GSE1: variants seen among roughly 807,000 people sequenced by gnomAD.
The protein encoded by GSE1 is genetic suppressor element 1.
In GSE1, 32 loss-of-function variants were observed where a neutral mutation model predicts 112.6. That is an observed-to-expected ratio of 0.28 (90% CI 0.21 to 0.38). The LOEUF (loss-of-function observed/expected upper bound fraction) is 0.38. Among genes scored for constraint, GSE1 ranks in the 10% least tolerant of loss-of-function variants. GSE1 has a pLI of 1.00. For synonymous variants in GSE1, 1,115 were observed against 735.6 expected, an observed-to-expected ratio of 1.52 and a Z score of -8.35; for missense variants, 2,348 against 1,699.2, an observed-to-expected ratio of 1.38 and a Z score of -6.71.
chr16:85,553,663 A>C (rs2045050073), upstream of GSE1, among the ~76,000 whole-genome samples: 1 of 151,938 alleles, frequency 6.6e-6, no homozygotes, highest in South Asian at 2.1e-4. Flanking sequence ...GGCGGCGGGG[A>C]AGAGCGCCAC....
At chr16:85,364,780 G>A (rs1051340759) in intron 2 of GSE1, among the ~76,000 whole-genome samples, 8 of 152,150 alleles carry the variant, frequency 5.3e-5, no homozygotes, top group Non-Finnish European at 1.2e-4. Context: ...GACGCACGGG[G>A]AGCAGGACAG....
chr16:85,625,073 C>T (rs972604708), intron 1 of GSE1, among the ~76,000 whole-genome samples: 4 of 152,192 alleles, frequency 2.6e-5, no homozygotes, highest in African/African-American at 7.2e-5. Flanking sequence ...GCTCTGGACA[C>T]CGACCCCAGC....
chr16:85,417,794 G>C (rs1275655372), intron 2 of GSE1, among the ~76,000 whole-genome samples: 1 of 152,252 alleles, frequency 6.6e-6, no homozygotes, highest in Non-Finnish European at 1.5e-5. Flanking sequence ...TGCACCCACA[G>C]CATTTCTGAT....
chr16:85,219,103 T>C (rs982952979), intron 1 of GSE1, among the ~76,000 whole-genome samples: 7 of 152,114 alleles, frequency 4.6e-5, no homozygotes, highest in African/African-American at 1.7e-4. Context: ...ATGGTCTTGA[T>C]CTCCGGACTC....
chr16:85,588,453 AG>A (rs1233030139), intron 1 of GSE1, among the ~76,000 whole-genome samples: 3 of 152,118 alleles, frequency 2.0e-5, no homozygotes, highest in Admixed American at 2.0e-4. Context: ...GCCCTGAAAG[AG>A]CCCCCCACAT....
rs577013353 is a variant in GSE1 at position 85,494,514 on chromosome 16, G to A, written c.2464+136871G>A. Reference sequence around the variant, plus strand: ...GTTGCCCAGGCTGGAGTTCAGTGGTGCAATCCCAGCTCACTGCAGCCTCCA... The same window carrying A: ...GTTGCCCAGGCTGGAGTTCAGTGGTACAATCCCAGCTCACTGCAGCCTCCA... On this transcript the variant is annotated intron_variant, in intron 2 of 2. Transcript: ENST00000637419. 3.3e-5 allele frequency among the ~76,000 whole-genome samples: 5 copies of A among 149,334 alleles called. No homozygotes were observed. The South Asian group carries it at 8.4e-4, about 25-fold the overall frequency.
chr16:85,626,727 G>A (rs1477713354), intron 1 of GSE1, among the ~76,000 whole-genome samples: 1 of 152,208 alleles, frequency 6.6e-6, no homozygotes, highest in Non-Finnish European at 1.5e-5. Flanking sequence ...GAGGTCTGGT[G>A]CCGGGGAAGA....
chr16:85,666,323 C>G lies in GSE1; in HGVS notation c.3106C>G (p.Gln1036Glu). The change falls in exon 13 of 16, where the codon CAG (glutamine) becomes GAG (glutamate). Residue 1036 changes from glutamine to glutamate, a missense_variant. Physicochemically the swap from Gln to Glu is conservative, Grantham distance 29 (BLOSUM62 2). Transcript: ENST00000253458. ...CCACGAGTCAGTGCTGCAGTCCACC[C>G]AGAAGGCCCTGCAGAAGCATAAAGG... Reference protein sequence around the residue: ...QFHESVLQSTQKALQKHKGSV... With the variant: ...QFHESVLQSTEKALQKHKGSV... The G allele has an allele frequency of 1.2e-6, 2 of 1,613,786 alleles. No individual in the cohort carries two copies. Among genetic ancestry groups the G allele is most frequent in the Non-Finnish European group, 1.7e-6 (2 of 1,180,022 alleles).
chr16:85,562,992 G>A (rs747710549), intron 1 of GSE1, among the ~76,000 whole-genome samples: 16 of 152,232 alleles, frequency 1.1e-4, no homozygotes, highest in Non-Finnish European at 2.1e-4. Context: ...AGGATGATGG[G>A]ATCCCCTCTT....
rs372767869 is a variant in GSE1, at chr16:85,663,110, C to G, written c.2373+17C>G. 3.3e-6 allele frequency: 5 copies of G among 1,523,984 alleles called. No homozygotes were observed. The highest frequency in any genetic ancestry group is 1.4e-5 in the African/African-American group (1 of 73,384). 94.4% of individuals were successfully genotyped at this position (1,523,984 alleles called of 1,614,324 possible). A position where few individuals can be genotyped will look rare whatever the true frequency, so the allele number is the denominator to read the frequency against. Reference sequence around the variant, plus strand: ...TCCTCTGAGGTACTGGGCTCTCCTCCCCACGGACATGCTCTGGGCTGGGCT... The same window carrying G: ...TCCTCTGAGGTACTGGGCTCTCCTCGCCACGGACATGCTCTGGGCTGGGCT... On this transcript the variant is annotated intron_variant, in intron 10 of 15. Transcript: ENST00000253458.
intron 1 of GSE1, among the ~76,000 whole-genome samples, chr16:85,197,061 G>C (rs768505073): frequency 4.6e-5 from 7 of 152,152 alleles, no homozygotes; most frequent in Non-Finnish European, 7.4e-5. Context: ...GTCAGACGAG[G>C]GGTTGGATGT....
At chr16:85,502,396 C>T (rs552859000) in intron 2 of GSE1, among the ~76,000 whole-genome samples, 1 of 152,332 alleles carries the variant, frequency 6.6e-6, no homozygotes, top group South Asian at 2.1e-4. Context: ...AGAAGGACAG[C>T]TCCCAGGAGG....
Position 85,216,293 on chromosome 16 carries a change from A to G in GSE1, c.2283+44486A>G, listed in dbSNP as rs114302781. 7.3e-3 allele frequency among the ~76,000 whole-genome samples: 1,107 copies of G among 152,240 alleles called. 15 individuals carry two copies. The highest frequency in any genetic ancestry group is 0.025 in the African/African-American group (1,055 of 41,528). ...GTGGTGTGCACCTGTAGTCCCAGCTACTCAGGAGGCTGACTTGGGAGGATC... is the reference window on the plus strand; with the variant it reads ...GTGGTGTGCACCTGTAGTCCCAGCTGCTCAGGAGGCTGACTTGGGAGGATC... On this transcript the variant is annotated intron_variant, in intron 1 of 2. Transcript: ENST00000637419.
intron 1 of GSE1, among the ~76,000 whole-genome samples, chr16:85,305,845 T>C (rs1367534651): frequency 6.6e-6 from 1 of 152,120 alleles, no homozygotes; most frequent in Non-Finnish European, 1.5e-5. Flanking sequence ...GTCCCAGAAC[T>C]TTGGGAAGCT....
intron 1 of GSE1, among the ~76,000 whole-genome samples, chr16:85,197,260 C>A (rs1291442766): frequency 6.6e-6 from 1 of 152,060 alleles, no homozygotes; most frequent in Non-Finnish European, 1.5e-5. Context: ...CCCAGTGAGC[C>A]CCCTCCGTCC....
At chr16:85,557,943 G>A (rs536618735) in intron 1 of GSE1, among the ~76,000 whole-genome samples, 3 of 151,930 alleles carry the variant, frequency 2.0e-5, no homozygotes, top group Admixed American at 6.5e-5. Context: ...ATTTTCCAGC[G>A]TTTCCATTCC....
chr16:85,202,766 C>T lies in GSE1; in HGVS notation c.2283+30959C>T, dbSNP rs141107846. ...CCCTGTGTCTGTTCTCGCCTGGAGC[C>T]CTTCTGGGAGTCCAGATGCTGTGCT... On this transcript the variant is annotated intron_variant, in intron 1 of 2. Transcript: ENST00000637419. Among the ~76,000 whole-genome samples the T allele has an allele frequency of 2.7e-3, 404 of 152,348 alleles. 2 individuals are homozygous for T. Among genetic ancestry groups the T allele is most frequent in the African/African-American group, 8.8e-3 (366 of 41,584 alleles).
intron 2 of GSE1, among the ~76,000 whole-genome samples, chr16:85,463,394 C>G (rs1227039857): frequency 6.6e-6 from 1 of 152,212 alleles, no homozygotes; most frequent in African/African-American, 2.4e-5. Context: ...TCTAGGCAGC[C>G]GGGGGAGGCT....
intron 2 of GSE1, among the ~76,000 whole-genome samples, chr16:85,510,808 G>GGCCTCATGGCTCCA (rs34392523): frequency 3.8e-3 from 116 of 30,670 alleles, no homozygotes; most frequent in Middle Eastern, 0.011. Context: ...CTGCCTCACA[G>GGCCTCATGGCTCCA]GCCTCATGGC....
Sources: allele counts gnomAD v4.1 joint callset (sites outside exome capture counted in the v4.1 genomes callset), GRCh38; gene constraint gnomAD v4.1.1; transcripts MANE v1.5; gene names NCBI Gene and HGNC (gene_info 2026-07-23, HGNC 2026-07-21).